Variants in CRHR2 observed in about 807,000 individuals in gnomAD.
CRHR2 encodes the protein corticotropin-releasing hormone receptor 2.
Under a neutral mutation model 57.9 loss-of-function variants are expected in CRHR2, and 53 were observed. The ratio of observed to expected loss-of-function variants is 0.92; its 90% CI spans 0.73 to 1.15. CRHR2 has a LOEUF of 1.15. Ranked by LOEUF, CRHR2 falls within the 50% of genes most tolerant of loss-of-function variation. The pLI, the probability that CRHR2 is intolerant of heterozygous loss-of-function variation, is 0.00. For synonymous variants in CRHR2, 213 were observed against 220.9 expected, an observed-to-expected ratio of 0.96 and a Z score of 0.32; for missense variants, 532 against 542.6, an observed-to-expected ratio of 0.98 and a Z score of 0.19.
chr7:30,682,906 CA>C (rs1328713952), upstream of CRHR2, among the ~76,000 whole-genome samples: 2 of 152,202 alleles, frequency 1.3e-5, no homozygotes, highest in Admixed American at 6.5e-5. Flanking sequence ...CTGCATCCTC[CA>C]AAAGCCTCCA....
chr7:30,683,805 A>G (rs981534987), upstream of CRHR2, among the ~76,000 whole-genome samples: 9 of 152,208 alleles, frequency 5.9e-5, no homozygotes, highest in Non-Finnish European at 1.3e-4. Context: ...ACCTAGTCTC[A>G]GAAACCAGTC....
intron 1 of CRHR2, among the ~76,000 whole-genome samples, chr7:30,690,877 G>A (rs1191992167): frequency 6.6e-6 from 1 of 152,230 alleles, no homozygotes; most frequent in Non-Finnish European, 1.5e-5. Flanking sequence ...AAATGCAGGG[G>A]AGCAGGTGTG....
intron 1 of CRHR2, among the ~76,000 whole-genome samples, chr7:30,695,627 G>A (rs527696198): frequency 6.6e-6 from 1 of 152,210 alleles, no homozygotes; most frequent in East Asian, 1.9e-4. Flanking sequence ...CAGGCCACTT[G>A]GCCTAAAGCT....
chr7:30,680,743 A>T (rs956054382), intron 2 of CRHR2, among the ~76,000 whole-genome samples: 6 of 152,008 alleles, frequency 3.9e-5, no homozygotes, highest in South Asian at 2.1e-4. Flanking sequence ...GCGGCTTGGC[A>T]TCAGGTGCAG....
At chr7:30,685,624 T>C (rs1245214083), upstream of CRHR2, among the ~76,000 whole-genome samples, 4 of 152,122 alleles carry the variant, frequency 2.6e-5, 1 homozygote, top group Non-Finnish European at 5.9e-5. Flanking sequence ...GACAGAGGAA[T>C]TGGCCTGGTG....
In CRHR2 at chr7:30,655,655, G is replaced by A. The variant is rs140660551; in HGVS notation, c.978C>T (p.Phe326=). 5.0e-6 allele frequency: 8 copies of A among 1,614,084 alleles called. No individual in the cohort carries two copies. Among genetic ancestry groups the A allele is most frequent in the Admixed American group, 1.7e-5 (1 of 60,002 alleles). ...LPLLGITYML[F]FVNPGEDDLS... is the part of the protein sequence containing the mutation. Reference sequence around the variant, plus strand: ...GGTCGTCCTCCCCGGGATTGACGAAGAAGAGCATGTAGGTGATGCCCAGGA... The same window carrying A: ...GGTCGTCCTCCCCGGGATTGACGAAAAAGAGCATGTAGGTGATGCCCAGGA... The change falls in exon 10 of 12, where the codon TTC becomes TTT. Residue 326 remains phenylalanine (F), a synonymous_variant. Coordinates refer to ENST00000471646, the MANE Select transcript of CRHR2 (RefSeq NM_001883.5).
upstream of CRHR2, chr7:30,686,519 G>T: frequency 6.6e-7 from 1 of 1,505,760 alleles, no homozygotes; most frequent in South Asian, 1.2e-5. Flanking sequence ...GAATCCATTC[G>T]GATTCTTGGC....
rs540367283 is a variant in CRHR2, at chr7:30,672,114, C to T, written c.230-4801G>A. Among the ~76,000 whole-genome samples, 14 of 152,306 alleles carry T rather than the reference C, an allele frequency of 9.2e-5. No individual in the cohort carries two copies. In the East Asian group the frequency reaches 1.7e-3, roughly 19 times the overall value. Reference sequence around the variant, plus strand: ...GCTCCTAAGAACCAGCCTTCCCACCCGATATTCCGACCTTGGCCATGGGCC... The same window carrying T: ...GCTCCTAAGAACCAGCCTTCCCACCTGATATTCCGACCTTGGCCATGGGCC... On this transcript the variant is annotated intron_variant, in intron 2 of 11. Coordinates refer to ENST00000471646, the MANE Select transcript of CRHR2 (RefSeq NM_001883.5).
In CRHR2 at chr7:30,662,101, C is replaced by A. The variant is rs144460426; in HGVS notation, c.758+55G>T. 4.3e-4 allele frequency: 691 copies of A among 1,596,264 alleles called. 5 individuals carry two copies. The African/African-American group carries it at 7.7e-3, about 18-fold the overall frequency. The stretch of plus-strand genomic sequence containing the variant: ...TGGCCAGAGCCCAAGGCTGACCTGT[C>A]CTAACACCCCCATTCCCTTCCCCAT... On this transcript the variant is annotated intron_variant, in intron 7 of 11. Transcript: ENST00000471646.
At chr7:30,684,419 G>T (rs1206409857), upstream of CRHR2, among the ~76,000 whole-genome samples, 45 of 152,342 alleles carry the variant, frequency 3.0e-4, no homozygotes, top group East Asian at 8.5e-3. Context: ...CCACCTAGGT[G>T]GTGCCTAAAG....
intron 1 of CRHR2, among the ~76,000 whole-genome samples, chr7:30,690,972 CTGGGGG>C (rs1178398675): frequency 6.6e-6 from 1 of 152,182 alleles, no homozygotes; most frequent in African/African-American, 2.4e-5. Flanking sequence ...AGGACAAACA[CTGGGGG>C]CCATGGTCTT....
At position 30,656,121 on chromosome 7, in the gene CRHR2, G is replaced by A. The variant is rs564314820; in HGVS notation, c.832-109C>T. The A allele has an allele frequency of 1.7e-4, 161 of 950,326 alleles. No individual in the cohort carries two copies. The highest frequency in any genetic ancestry group is 1.7e-3 in the African/African-American group (104 of 62,612). The allele number at this position is 950,326 out of a possible 1,614,324, so 58.9% of individuals were successfully genotyped here. A position where few individuals can be genotyped will look rare whatever the true frequency, so the allele number is the denominator to read the frequency against. ...AGACCCCTGGAAACCGATGTCCCAC[G>A]CACACACCTATCCTACCTGTCCCCC... On this transcript the variant is annotated intron_variant, in intron 8 of 11. Transcript: ENST00000471646. This position sits in a 1 kb window ranked among gnomAD's most constrained non-coding sequence, Gnocchi z 4.4.
rs755639651 is a variant in CRHR2, at chr7:30,662,167, A to T, written c.747T>A (p.Tyr249Ter). Residue 249 changes from tyrosine (Y) to a stop codon, truncating the protein, a stop_gained, in exon 7 of 12, where the codon TAT becomes TAA. Transcript: ENST00000471646. LOFTEE classifies it high-confidence loss of function. ...GCCCATCCACTTACTGTTCATTCTC[A>T]TAGTAGAGCTTGCCGATGGCCCAGG... The part of the protein sequence containing the change: ...IVAWAIGKLY[Y>*]ENEQCWFGKE... The T allele has an allele frequency of 1.9e-6, 3 of 1,613,722 alleles. No homozygotes were observed. In the African/African-American group the frequency reaches 4.0e-5, roughly 22 times the overall value.
At chr7:30,673,382 A>AT (rs1012626975) in intron 2 of CRHR2, among the ~76,000 whole-genome samples, 1 of 150,766 alleles carries the variant, frequency 6.6e-6, no homozygotes, top group Non-Finnish European at 1.5e-5. Context: ...ATCATTTGTT[A>AT]TTTTTTTGTT....
intron 7 of CRHR2, 55 bp from the exon 8 acceptor site, chr7:30,660,700 C>T (rs1301772996): frequency 6.6e-7 from 1 of 1,522,666 alleles, no homozygotes; most frequent in South Asian, 1.2e-5. Flanking sequence ...GGGGGACCCC[C>T]ACAGACTTGG....
chr7:30,671,534 T>A (rs900806417), intron 2 of CRHR2, among the ~76,000 whole-genome samples: 15 of 150,872 alleles, frequency 9.9e-5, no homozygotes, highest in African/African-American at 3.7e-4. Flanking sequence ...ATATGGTGGC[T>A]CATGCCTGTA....
chr7:30,652,155 C>T lies in CRHR2; in HGVS notation c.*1305G>A, dbSNP rs1313267099. 1 of 152,246 alleles carries T rather than the reference C, an allele frequency of 6.6e-6. No individual in the cohort carries two copies. The highest frequency in any genetic ancestry group is 6.5e-5 in the Admixed American group (1 of 15,286). The allele number at this position is 152,246 out of a possible 1,614,324, so 9.4% of individuals were successfully genotyped here. A position where few individuals can be genotyped will look rare whatever the true frequency, so the allele number is the denominator to read the frequency against. ...TTGGAAGAAATGGCCTGATGCTTCT[C>T]TCTCCCTGACTCCTGCGGCTCCGCT... On this transcript the variant is annotated 3_prime_UTR_variant, in exon 12 of 12. Transcript: ENST00000471646. This position sits in a 1 kb window ranked among gnomAD's most constrained non-coding sequence, Gnocchi z 4.4.
At chr7:30,654,720 T>C (rs1426500460) in intron 11 of CRHR2, 3 of 1,536,202 alleles carry the variant, frequency 2.0e-6, no homozygotes, top group Non-Finnish European at 2.6e-6. Flanking sequence ...CACACATCTC[T>C]TTCTGGAAGC....
chr7:30,675,831 C>A (rs528963696), intron 2 of CRHR2, among the ~76,000 whole-genome samples: 1 of 152,208 alleles, frequency 6.6e-6, no homozygotes, highest in East Asian at 1.9e-4. Context: ...AGAACAGGAG[C>A]CCCTGGAAGG....
Sources: allele counts gnomAD v4.1 joint callset (sites outside exome capture counted in the v4.1 genomes callset), GRCh38; gene constraint gnomAD v4.1.1; non-coding constraint Gnocchi (gnomAD v3.1); transcripts MANE v1.5; gene names NCBI Gene and HGNC (gene_info 2026-07-23, HGNC 2026-07-21).